HOXA3: variants seen among roughly 807,000 people sequenced by gnomAD.
HOXA3 encodes the protein homeobox A3.
A neutral mutation model predicts 30.3 loss-of-function variants in HOXA3; 8 were observed. The observed-to-expected ratio is 0.26, with a 90% confidence interval of 0.15 to 0.48. The LOEUF is 0.48. Ranked by LOEUF, HOXA3 falls within the 20% of genes least tolerant of loss-of-function variation. The pLI is 0.99. For missense variants in HOXA3, 653 were observed against 614.4 expected, an observed-to-expected ratio of 1.06 and a Z score of -0.66; for synonymous variants, 323 against 273.1, an observed-to-expected ratio of 1.18 and a Z score of -1.80.
chr7:27,129,528 G>C, intron 2 of HOXA3: 1 of 1,614,048 alleles, frequency 6.2e-7, no homozygotes, highest in Non-Finnish European at 8.5e-7. Flanking sequence ...GGGTGTAGGC[G>C]GTTCGAGAGC....
At position 27,108,692 on chromosome 7, in the gene HOXA3, C is replaced by T; in HGVS notation, c.555G>A (p.Pro185=). 1 of 1,605,974 alleles carries T rather than the reference C, an allele frequency of 6.2e-7. No individual in the cohort carries two copies. Among genetic ancestry groups the T allele is most frequent in the Non-Finnish European group, 8.5e-7 (1 of 1,174,206 alleles). Residue 185 remains proline (P), a synonymous_variant, in exon 6 of 6, where the codon CCG becomes CCA. Coordinates refer to ENST00000612286, the MANE Select transcript of HOXA3 (RefSeq NM_153631.3). The surrounding 1 kb of genome is among the most constrained non-coding windows in gnomAD (Gnocchi z 5.0). ...SGESCAGDKS[P]PGQASSKRAR... ...CGCGCTTGGACGAAGCCTGCCCCGGCGGGCTCTTGTCGCCAGCGCAGCTTT... is the reference window on the plus strand; with the variant it reads ...CGCGCTTGGACGAAGCCTGCCCCGGTGGGCTCTTGTCGCCAGCGCAGCTTT...
chr7:27,117,271 C>A (rs1784774660), intron 4 of HOXA3, among the ~76,000 whole-genome samples: 1 of 152,228 alleles, frequency 6.6e-6, no homozygotes, highest in Non-Finnish European at 1.5e-5. Context: ...TTCCCTCCAA[C>A]CCAGGGCCCA....
At chr7:27,146,538 A>G (rs1025557512) in intron 1 of HOXA3, among the ~76,000 whole-genome samples, 1 of 152,168 alleles carries the variant, frequency 6.6e-6, no homozygotes, top group African/African-American at 2.4e-5. Flanking sequence ...TGTCCTAGGG[A>G]ATTCCTAGGA....
At chr7:27,114,871 T>TTATATATATAA (rs1554336707) in intron 4 of HOXA3, among the ~76,000 whole-genome samples, 2 of 110,806 alleles carry the variant, frequency 1.8e-5, no homozygotes, top group Admixed American at 2.2e-4. Flanking sequence ...ATAATATATA[T>TTATATATATAA]TATATATATG....
At chr7:27,111,513 T>TGTGTGTGTGTGTGTGTGTGTGTG (rs1554336191) in intron 4 of HOXA3, among the ~76,000 whole-genome samples, 1 of 148,486 alleles carries the variant, frequency 6.7e-6, no homozygotes, top group African/African-American at 2.5e-5. Context: ...TGTGTGTGTG[T>TGTGTGTGTGTGTGTGTGTGTGTG]TTAGGGTGAG....
In HOXA3 at chr7:27,141,800, G is replaced by A. The variant is rs200683571; in HGVS notation, c.-493-1614C>T. On this transcript the variant is annotated intron_variant, in intron 1 of 5. Coordinates refer to ENST00000612286, the MANE Select transcript of HOXA3 (RefSeq NM_153631.3). The stretch of plus-strand genomic sequence containing the variant: ...TTAGTACTGACACTACGCGGGATCC[G>A]CTAATACTGCTCAGTACTTTAAACG... 510 of 1,607,832 alleles carry A rather than the reference G, an allele frequency of 3.2e-4. 4 individuals carry two copies. Among genetic ancestry groups the A allele is most frequent in the Non-Finnish European group, 6.0e-5 (71 of 1,177,278 alleles).
intron 5 of HOXA3, 116 bp downstream of exon 5, chr7:27,109,999 G>C (rs956231661): frequency 7.9e-7 from 1 of 1,270,810 alleles, no homozygotes; most frequent in Non-Finnish European, 1.1e-6. Context: ...AGTGGTGTGG[G>C]AGCAGTGAAT....
intron 1 of HOXA3, chr7:27,147,821 G>A: frequency 7.4e-7 from 1 of 1,350,834 alleles, no homozygotes; most frequent in Non-Finnish European, 1.0e-6. Flanking sequence ...AGTAGTCATC[G>A]AACTGGTTTG....
In HOXA3 at chr7:27,108,379, C is replaced by T; in HGVS notation, c.868G>A (p.Glu290Lys). The change falls in exon 6 of 6, where the codon GAG (glutamate) becomes AAG (lysine). Residue 290 changes from glutamate to lysine, a missense_variant. Glu to Lys is a moderately conservative substitution (Grantham distance 56). Transcript: ENST00000612286. This position sits in a 1 kb window ranked among gnomAD's most constrained non-coding sequence, Gnocchi z 5.0. ...MHSLVNSVPYEPQSPPPFSKP... is the reference protein window; with the variant it reads ...MHSLVNSVPYKPQSPPPFSKP... ...GAGAAGGGCGGGGGCGACTGGGGCT[C>T]ATACGGGACGCTGTTGACCAGCGAA... is the stretch of plus-strand genomic sequence containing the variant. The T allele has an allele frequency of 6.3e-7, 1 of 1,584,460 alleles. No individual in the cohort carries two copies. Among genetic ancestry groups the T allele is most frequent in the Non-Finnish European group, 8.6e-7 (1 of 1,162,604 alleles).
chr7:27,125,359 C>T (rs1785237980), intron 3 of HOXA3, among the ~76,000 whole-genome samples: 1 of 152,210 alleles, frequency 6.6e-6, no homozygotes, highest in Non-Finnish European at 1.5e-5. Context: ...CTTTCAGCCC[C>T]AGGAAACAAT....
intron 4 of HOXA3, among the ~76,000 whole-genome samples, chr7:27,117,169 A>G (rs552189515): frequency 4.2e-4 from 64 of 152,260 alleles, no homozygotes; most frequent in African/African-American, 1.3e-3. Flanking sequence ...TTTAACTTTC[A>G]TCTGCCTCCA....
chr7:27,139,543 G>A (rs1007785811), intron 2 of HOXA3, among the ~76,000 whole-genome samples: 7 of 152,244 alleles, frequency 4.6e-5, no homozygotes, highest in Non-Finnish European at 7.3e-5. Context: ...CCCGGCCCGC[G>A]AAGACATATT....
chr7:27,113,779 C>G lies in HOXA3; in HGVS notation c.-120-3019G>C, dbSNP rs948338979. 6.6e-6 allele frequency: 1 copy of G among 152,080 alleles called. No individual in the cohort carries two copies. The highest frequency in any genetic ancestry group is 1.5e-5 in the Non-Finnish European group (1 of 68,038). The allele number at this position is 152,080 out of a possible 1,614,324, so 9.4% of individuals were successfully genotyped here. On this transcript the variant is annotated intron_variant, in intron 4 of 5. Transcript: ENST00000612286. This position sits in a 1 kb window ranked among gnomAD's most constrained non-coding sequence, Gnocchi z 4.8. Reference sequence around the variant, plus strand: ...GCAGGCGGGCTGGAGACCCCGAGGCCCGGTCACCGCCGCGCAGAGCGTGGC... The same window carrying G: ...GCAGGCGGGCTGGAGACCCCGAGGCGCGGTCACCGCCGCGCAGAGCGTGGC...
chr7:27,142,944 A>C (rs879631497), intron 1 of HOXA3: 3 of 1,115,492 alleles, frequency 2.7e-6, no homozygotes, highest in Non-Finnish European at 3.8e-6. Flanking sequence ...GGGCTGGGAG[A>C]AATGAGACCA....
chr7:27,118,272 A>G (rs1358809567), intron 4 of HOXA3, among the ~76,000 whole-genome samples: 1 of 151,992 alleles, frequency 6.6e-6, no homozygotes, highest in Non-Finnish European at 1.5e-5. Context: ...GGGGAAGGAG[A>G]AGGAGGAGGT....
In HOXA3 at chr7:27,114,744, T is replaced by TACACACACACACACACACACACACAC. The variant is rs70994629; in HGVS notation, c.-120-3985_-120-3984insGTGTGTGTGTGTGTGTGTGTGTGTGT. 7.8e-4 allele frequency among the ~76,000 whole-genome samples: 73 copies of TACACACACACACACACACACACACAC among 93,436 alleles called. 2 individuals carry two copies. Among genetic ancestry groups the TACACACACACACACACACACACACAC allele is most frequent in the South Asian group, 1.7e-3 (4 of 2,412 alleles). The allele number at this position is 93,436 out of a possible 152,430, so 61.3% of individuals were successfully genotyped here. A position where few individuals can be genotyped will look rare whatever the true frequency, so the allele number is the denominator to read the frequency against. ...CTGACCCCAAGAGAAACCGACATCA[T>TACACACACACACACACACACACACAC]ACACACACACACACACACACACACG... On this transcript the variant is annotated intron_variant, in intron 4 of 5. Coordinates refer to ENST00000612286, the MANE Select transcript of HOXA3 (RefSeq NM_153631.3).
intron 2 of HOXA3, chr7:27,129,391 C>G (rs191156011): frequency 6.2e-7 from 1 of 1,613,962 alleles, no homozygotes; most frequent in Non-Finnish European, 8.5e-7. Flanking sequence ...CTTCATCCTC[C>G]GGTTCTGAAA....
chr7:27,112,386 T>C (rs951170094), intron 4 of HOXA3, among the ~76,000 whole-genome samples: 1 of 152,232 alleles, frequency 6.6e-6, no homozygotes, highest in African/African-American at 2.4e-5. Flanking sequence ...AATTCCATTG[T>C]TGATAATGGA....
rs1422890513 is a variant in HOXA3 at position 27,113,883 on chromosome 7, A to ACCCCTCCCCCACACCCCCG, written c.-120-3142_-120-3124dup. ...CCCCTCCCACCCACCCCACCCACCC[A>ACCCCTCCCCCACACCCCCG]CCCCTCCCCCACACCCCCGCCCCCT... On this transcript the variant is annotated intron_variant, in intron 4 of 5. Coordinates refer to ENST00000612286, the MANE Select transcript of HOXA3 (RefSeq NM_153631.3). This position sits in a 1 kb window ranked among gnomAD's most constrained non-coding sequence, Gnocchi z 4.8. 2.7e-5 allele frequency: 1 copy of ACCCCTCCCCCACACCCCCG among 36,768 alleles called. No homozygotes were observed. The highest frequency in any genetic ancestry group is 6.4e-5 in the Non-Finnish European group (1 of 15,732). 2.3% of individuals were successfully genotyped at this position (36,768 alleles called of 1,614,324 possible). A position where few individuals can be genotyped will look rare whatever the true frequency, so the allele number is the denominator to read the frequency against.
Sources: gnomAD v4.1 joint callset for allele counts (sites outside exome capture counted in the v4.1 genomes callset) on GRCh38, gnomAD v4.1.1 for gene constraint, Gnocchi (gnomAD v3.1) non-coding constraint, MANE v1.5 for transcripts, NCBI Gene and HGNC (gene_info 2026-07-23, HGNC 2026-07-21) for gene names.